Variants in TMEM192 observed in about 807,000 individuals in gnomAD.
TMEM192 encodes the protein transmembrane protein 192.
A neutral mutation model predicts 26.7 loss-of-function variants in TMEM192; 20 were observed. That is an observed-to-expected ratio of 0.75 (90% CI 0.53 to 1.09). The LOEUF is 1.09. Among genes scored for constraint, TMEM192 ranks in the 50% least tolerant of loss-of-function variants. The pLI, the probability that TMEM192 is intolerant of heterozygous loss-of-function variation, is 0.00. For synonymous variants in TMEM192, 124 were observed against 121.0 expected, an observed-to-expected ratio of 1.02 and a Z score of -0.16; for missense variants, 304 against 322.6, an observed-to-expected ratio of 0.94 and a Z score of 0.44.
In TMEM192 at chr4:165,073,414, A is replaced by C. The variant is rs1734310270; in HGVS notation, c.*6244T>G. 6.6e-6 allele frequency: 1 copy of C among 152,226 alleles called. No individual in the cohort carries two copies. Among genetic ancestry groups the C allele is most frequent in the Non-Finnish European group, 1.5e-5 (1 of 68,052 alleles). 9.4% of individuals were successfully genotyped at this position (152,226 alleles called of 1,614,324 possible). On this transcript the variant is annotated 3_prime_UTR_variant, in exon 6 of 6. Transcript: ENST00000306480. ...CCATTCTCGATTAACCAGGGACACA[A>C]TGCACTGCGGAAAGCCGCAGGGACC...
rs1160535314 is a variant in TMEM192, at chr4:165,099,102, C to CTTTTT, written c.439+1521_439+1525dup. ...TTATTTACTACAACTTTTTTTCTTT[C>CTTTTT]TTTTTTTTTTTTTTTTTTTTGAGAT... On this transcript the variant is annotated intron_variant, in intron 3 of 5. Coordinates refer to ENST00000306480, the MANE Select transcript of TMEM192 (RefSeq NM_001100389.2). Among the ~76,000 whole-genome samples the CTTTTT allele has an allele frequency of 7.1e-4, 90 of 126,198 alleles. 1 individual carries two copies. The highest frequency in any genetic ancestry group is 1.8e-3 in the African/African-American group (57 of 32,502). 82.8% of individuals were successfully genotyped at this position (126,198 alleles called of 152,430 possible). A position where few individuals can be genotyped will look rare whatever the true frequency, so the allele number is the denominator to read the frequency against.
At chr4:165,098,360 G>A (rs1280060174) in intron 3 of TMEM192, among the ~76,000 whole-genome samples, 5 of 151,900 alleles carry the variant, frequency 3.3e-5, no homozygotes, top group Non-Finnish European at 7.4e-5. Context: ...CCTGACCTCA[G>A]GGAATCTACC....
At chr4:165,107,412 C>G (rs1735188976) in intron 1 of TMEM192, among the ~76,000 whole-genome samples, 1 of 152,012 alleles carries the variant, frequency 6.6e-6, no homozygotes, top group Non-Finnish European at 1.5e-5. Flanking sequence ...TCTCGGCTCA[C>G]TGCAGCCTCC....
At chr4:165,101,129 A>G (rs1246964796) in intron 2 of TMEM192, among the ~76,000 whole-genome samples, 1 of 151,562 alleles carries the variant, frequency 6.6e-6, no homozygotes, top group African/African-American at 2.4e-5. Flanking sequence ...GGCACCCGCC[A>G]CCACGCCTGG....
At chr4:165,080,802 C>T (rs1169629635) in intron 5 of TMEM192, among the ~76,000 whole-genome samples, 1 of 152,086 alleles carries the variant, frequency 6.6e-6, no homozygotes, top group Admixed American at 6.6e-5. Flanking sequence ...GCAACCTGCA[C>T]CTCCTGGGTT....
rs910881739 is a variant in TMEM192, at chr4:165,076,822, G to C, written c.*2836C>G. The C allele has an allele frequency of 6.6e-6, 1 of 151,308 alleles. No individual in the cohort carries two copies. The highest frequency in any genetic ancestry group is 2.4e-5 in the African/African-American group (1 of 41,168). 9.4% of individuals were successfully genotyped at this position (151,308 alleles called of 1,614,324 possible). A position where few individuals can be genotyped will look rare whatever the true frequency, so the allele number is the denominator to read the frequency against. ...GTTTTGTTACTTCTTTTTTTTTTGA[G>C]ATCGAGTCTAGCTCTGTTGCCCAAG... is the stretch of plus-strand genomic sequence containing the variant. On this transcript the variant is annotated 3_prime_UTR_variant, in exon 6 of 6. Transcript: ENST00000306480.
rs1461769660 is a variant in TMEM192 at position 165,070,795 on chromosome 4, T to C, written c.*8863A>G. 6.6e-6 allele frequency: 1 copy of C among 152,222 alleles called. No homozygotes were observed. Among genetic ancestry groups the C allele is most frequent in the Non-Finnish European group, 1.5e-5 (1 of 68,038 alleles). The allele number at this position is 152,222 out of a possible 1,614,324, so 9.4% of individuals were successfully genotyped here. A position where few individuals can be genotyped will look rare whatever the true frequency, so the allele number is the denominator to read the frequency against. On this transcript the variant is annotated 3_prime_UTR_variant, in exon 6 of 6. Transcript: ENST00000306480. ...TTTGAGCATGTGTGAGCATAGTTTT[T>C]CTACTACAATTCCAGTAGTGAAATC... is the stretch of plus-strand genomic sequence containing the variant.
chr4:165,104,900 C>T (rs188770759), intron 1 of TMEM192, among the ~76,000 whole-genome samples: 3 of 152,268 alleles, frequency 2.0e-5, no homozygotes, highest in Admixed American at 2.0e-4. Context: ...ATTCAGATTA[C>T]TCCTGTTCTC....
chr4:165,070,653 T>C lies in TMEM192; in HGVS notation c.*9005A>G, dbSNP rs1734257891. On this transcript the variant is annotated 3_prime_UTR_variant, in exon 6 of 6. Coordinates refer to ENST00000306480, the MANE Select transcript of TMEM192 (RefSeq NM_001100389.2). ...TTTCTGATATGTTGTTATTTTTTAG[T>C]GTATCCTAGACATAAACTTTTAAAC... The C allele has an allele frequency of 4.6e-5, 7 of 152,202 alleles. No homozygotes were observed. The South Asian group carries it at 1.4e-3, about 31-fold the overall frequency. The allele number at this position is 152,202 out of a possible 1,614,324, so 9.4% of individuals were successfully genotyped here.
chr4:165,089,903 G>C (rs562834609), intron 3 of TMEM192, among the ~76,000 whole-genome samples: 1 of 152,058 alleles, frequency 6.6e-6, no homozygotes, highest in East Asian at 1.9e-4. Context: ...TAAAACCCTT[G>C]GAATTTCCTG....
chr4:165,080,738 A>G (rs1734500871), intron 5 of TMEM192, among the ~76,000 whole-genome samples: 1 of 152,132 alleles, frequency 6.6e-6, no homozygotes, highest in African/African-American at 2.4e-5. Flanking sequence ...TTTTTGAGAC[A>G]GAGTCTAGCT....
At position 165,078,097 on chromosome 4, in the gene TMEM192, T is replaced by G. The variant is rs1489901979; in HGVS notation, c.*1561A>C. 6.6e-6 allele frequency: 1 copy of G among 152,080 alleles called. No individual in the cohort carries two copies. The highest frequency in any genetic ancestry group is 1.5e-5 in the Non-Finnish European group (1 of 68,000). 9.4% of individuals were successfully genotyped at this position (152,080 alleles called of 1,614,324 possible). On this transcript the variant is annotated 3_prime_UTR_variant, in exon 6 of 6. Coordinates refer to ENST00000306480, the MANE Select transcript of TMEM192 (RefSeq NM_001100389.2). ...TCATCTTTATCTTAGTAGAAAACTT[T>G]TAGAATGCCCCGGCAATGGCTGTAT... is the stretch of plus-strand genomic sequence containing the variant.
rs1236682767 is a variant in TMEM192 at position 165,095,629 on chromosome 4, C to A, written c.439+4999G>T. ...ACTTTTGCATGTCCTCAGCCTCTGG[C>A]TTTACACTTTTAGGCCCCAGAGAGA... On this transcript the variant is annotated intron_variant, in intron 3 of 5. Coordinates refer to ENST00000306480, the MANE Select transcript of TMEM192 (RefSeq NM_001100389.2). Among the ~76,000 whole-genome samples the A allele has an allele frequency of 1.3e-5, 2 of 152,140 alleles. 1 individual carries two copies. The highest frequency in any genetic ancestry group is 4.1e-4 in the South Asian group (2 of 4,826).
rs1734325494 is a variant in TMEM192, at chr4:165,074,177, T to C, written c.*5481A>G. ...TTAAAAGAGGAGACGTATGCATTCA[T>C]CTCCAATTTAAGCAATGTGGAAGGA... is the stretch of plus-strand genomic sequence containing the variant. On this transcript the variant is annotated 3_prime_UTR_variant, in exon 6 of 6. Coordinates refer to ENST00000306480, the MANE Select transcript of TMEM192 (RefSeq NM_001100389.2). The C allele has an allele frequency of 6.6e-6, 1 of 152,186 alleles. No homozygotes were observed. The highest frequency in any genetic ancestry group is 3.4e-3 in the Middle Eastern group (1 of 294). 9.4% of individuals were successfully genotyped at this position (152,186 alleles called of 1,614,324 possible). A position where few individuals can be genotyped will look rare whatever the true frequency, so the allele number is the denominator to read the frequency against.
At position 165,088,371 on chromosome 4, in the gene TMEM192, C is replaced by T. The variant is rs1348124845; in HGVS notation, c.574+97G>A. The stretch of plus-strand genomic sequence containing the variant: ...TGCATGTGGTCACCACTCAGATACA[C>T]AGAGAACTTCCTTGTCGCTAATGGG... On this transcript the variant is annotated intron_variant, in intron 4 of 5. Transcript: ENST00000306480. The T allele has an allele frequency of 3.1e-6, 4 of 1,280,330 alleles. No homozygotes were observed. The South Asian group carries it at 4.8e-5, about 15-fold the overall frequency. 79.3% of individuals were successfully genotyped at this position (1,280,330 alleles called of 1,614,324 possible). A position where few individuals can be genotyped will look rare whatever the true frequency, so the allele number is the denominator to read the frequency against.
In TMEM192 at chr4:165,075,623, A is replaced by C. The variant is rs1734359794; in HGVS notation, c.*4035T>G. 7.0e-6 allele frequency: 1 copy of C among 143,732 alleles called. No homozygotes were observed. Among genetic ancestry groups the C allele is most frequent in the South Asian group, 2.2e-4 (1 of 4,486 alleles). 8.9% of individuals were successfully genotyped at this position (143,732 alleles called of 1,614,324 possible). A position where few individuals can be genotyped will look rare whatever the true frequency, so the allele number is the denominator to read the frequency against. On this transcript the variant is annotated 3_prime_UTR_variant, in exon 6 of 6. Coordinates refer to ENST00000306480, the MANE Select transcript of TMEM192 (RefSeq NM_001100389.2). ...CCTGCTCTGTGGCCCAGGCTAGAGT[A>C]CAGTGGCGTGATCTTGCCTCACTGC...
At chr4:165,095,950 ATT>A (rs35383218) in intron 3 of TMEM192, among the ~76,000 whole-genome samples, 1,451 of 136,300 alleles carry the variant, frequency 0.011, 15 homozygotes, top group East Asian at 0.068. Context: ...TGCCCAGCTA[ATT>A]TTTTTTTTTT....
In TMEM192 at chr4:165,071,141, A is replaced by T. The variant is rs1734266335; in HGVS notation, c.*8517T>A. 4 of 152,164 alleles carry T rather than the reference A, an allele frequency of 2.6e-5. No individual in the cohort carries two copies. The highest frequency in any genetic ancestry group is 9.7e-5 in the African/African-American group (4 of 41,436). 9.4% of individuals were successfully genotyped at this position (152,164 alleles called of 1,614,324 possible). ...TTCCTATCCACACATAACTACAATA[A>T]AGTTAAATTTATAAATTAGGCACAG... On this transcript the variant is annotated 3_prime_UTR_variant, in exon 6 of 6. Coordinates refer to ENST00000306480, the MANE Select transcript of TMEM192 (RefSeq NM_001100389.2).
chr4:165,095,077 T>C (rs1027018910), intron 3 of TMEM192, among the ~76,000 whole-genome samples: 6 of 152,092 alleles, frequency 3.9e-5, no homozygotes, highest in African/African-American at 1.4e-4. Context: ...GACCACAGGC[T>C]GAGAGCTACC....
Sources: gnomAD v4.1 joint callset for allele counts (sites outside exome capture counted in the v4.1 genomes callset) on GRCh38, gnomAD v4.1.1 for gene constraint, MANE v1.5 for transcripts, NCBI Gene and HGNC (gene_info 2026-07-23, HGNC 2026-07-21) for gene names.